The following ACSM3 variants were observed in gnomAD, a reference collection of about 807,000 sequenced individuals.
ACSM3 encodes the protein acyl-CoA synthetase medium chain family member 3, also known as acyl-coenzyme A synthetase ACSM3, mitochondrial.
ACSM3 carries 61 observed loss-of-function variants against 74.1 expected under a neutral mutation model. The observed-to-expected ratio is 0.82, with a 90% CI of 0.67 to 1.02. The LOEUF is 1.02. Among genes scored for constraint, ACSM3 ranks in the 50% least tolerant of loss-of-function variants. The pLI, the probability that ACSM3 is intolerant of heterozygous loss-of-function variation, is 0.00. For synonymous variants in ACSM3, 213 were observed against 241.5 expected (o/e 0.88, Z 1.09); for missense variants, 660 against 697.0 (o/e 0.95, Z 0.60).
At chr16:20,729,478 G>A (rs975817424) in intron 1 of ACSM3, 4 of 659,516 alleles carry the variant, frequency 6.1e-6, no homozygotes, top group African/African-American at 5.4e-5. Context: ...CATTTGAAGT[G>A]GAGAGTGTGC....
At chr16:20,738,947 G>A in intron 1 of ACSM3, 1 of 1,614,156 alleles carries the variant, frequency 6.2e-7, no homozygotes, top group African/African-American at 1.3e-5. Context: ...ACTTTCCACT[G>A]ACTGGAATCT....
chr16:20,797,383 TA>T lies in ACSM3; in HGVS notation c.*415del. ...ACTTATAAAAGTTTTTAGAAAAATA[TA>T]AAATATCAGTTAGAAGATTATGATA... On this transcript the variant is annotated 3_prime_UTR_variant, in exon 14 of 14. Coordinates refer to ENST00000289416, the MANE Select transcript of ACSM3 (RefSeq NM_005622.4). 1 of 985,872 alleles carries T rather than the reference TA, an allele frequency of 1.0e-6. No individual in the cohort carries two copies. The highest frequency in any genetic ancestry group is 1.2e-6 in the Non-Finnish European group (1 of 824,992). 61.1% of individuals were successfully genotyped at this position (985,872 alleles called of 1,614,324 possible). A position where few individuals can be genotyped will look rare whatever the true frequency, so the allele number is the denominator to read the frequency against.
chr16:20,745,940 G>A (rs2079956001), intron 1 of ACSM3, among the ~76,000 whole-genome samples: 1 of 152,138 alleles, frequency 6.6e-6, no homozygotes. Context: ...TGGATATCCT[G>A]GCTGTGAATC....
intron 2 of ACSM3, among the ~76,000 whole-genome samples, chr16:20,754,043 A>G (rs955294765): frequency 1.3e-5 from 2 of 152,244 alleles, no homozygotes; most frequent in African/African-American, 2.4e-5. Flanking sequence ...GACCCACGCT[A>G]GGACCTTGGA....
intron 1 of ACSM3, chr16:20,737,608 A>T: frequency 8.2e-7 from 1 of 1,212,678 alleles, no homozygotes; most frequent in Non-Finnish European, 1.1e-6. Flanking sequence ...TTTGTTCTAC[A>T]CTCAAAAATG....
chr16:20,796,129 TC>T (rs2080717887), intron 12 of ACSM3: 2 of 487,456 alleles, frequency 4.1e-6, no homozygotes, highest in Admixed American at 3.8e-5. Context: ...TTATAAGTAA[TC>T]CCCCATGCTG....
chr16:20,760,024 A>G (rs2080064127), upstream of ACSM3, among the ~76,000 whole-genome samples: 1 of 152,186 alleles, frequency 6.6e-6, no homozygotes, highest in African/African-American at 2.4e-5. Flanking sequence ...GGGGACAGAC[A>G]TGCCTCATTA....
intron 1 of ACSM3, among the ~76,000 whole-genome samples, chr16:20,693,897 G>T (rs191685930): frequency 1.3e-5 from 2 of 152,148 alleles, no homozygotes; most frequent in Non-Finnish European, 2.9e-5. Context: ...ATCTAATTAG[G>T]AATAAATAGT....
intron 12 of ACSM3, among the ~76,000 whole-genome samples, chr16:20,794,588 A>G (rs1025327159): frequency 6.6e-6 from 1 of 152,254 alleles, no homozygotes; most frequent in African/African-American, 2.4e-5. Flanking sequence ...AAGATTTTGC[A>G]TAGAATTTCA....
chr16:20,781,173 A>T, intron 6 of ACSM3, 43 bp downstream of exon 6: 1 of 1,605,854 alleles, frequency 6.2e-7, no homozygotes, highest in Non-Finnish European at 8.5e-7. Flanking sequence ...AAATGCATTA[A>T]GCAGTATGGC....
At chr16:20,781,583 A>G (rs2080353559) in intron 6 of ACSM3, 125 bp from the exon 7 acceptor site, 4 of 784,010 alleles carry the variant, frequency 5.1e-6, no homozygotes, top group South Asian at 1.5e-5. Flanking sequence ...TGATTCTACA[A>G]GAAAAGGTAA....
At chr16:20,750,473 C>A (rs1567336815) in intron 2 of ACSM3, among the ~76,000 whole-genome samples, 1 of 152,108 alleles carries the variant, frequency 6.6e-6, no homozygotes, top group African/African-American at 2.4e-5. Flanking sequence ...TAAACACCCC[C>A]CTCTCTCTCG....
intron 2 of ACSM3, among the ~76,000 whole-genome samples, chr16:20,751,398 A>AT (rs369173016): frequency 6.6e-6 from 1 of 152,212 alleles, no homozygotes; most frequent in East Asian, 1.9e-4. Context: ...TTTTTAAAGG[A>AT]TTTTTTATTG....
At chr16:20,759,365 G>A (rs2080057618), upstream of ACSM3, among the ~76,000 whole-genome samples, 1 of 152,030 alleles carries the variant, frequency 6.6e-6, no homozygotes, top group African/African-American at 2.4e-5. Flanking sequence ...AGACCATCTT[G>A]GCTAACACAC....
At chr16:20,714,146 G>C (rs565902719) in intron 1 of ACSM3, among the ~76,000 whole-genome samples, 134 of 151,842 alleles carry the variant, frequency 8.8e-4, no homozygotes, top group African/African-American at 3.0e-3. Flanking sequence ...TCTGGATTCT[G>C]ATCTTGAGGG....
At chr16:20,728,777 C>A (rs1354129226) in intron 1 of ACSM3, among the ~76,000 whole-genome samples, 1 of 152,100 alleles carries the variant, frequency 6.6e-6, no homozygotes, top group Non-Finnish European at 1.5e-5. Context: ...CTATTTGGGA[C>A]CTTTTATATC....
chr16:20,795,148 G>A (rs890279264), intron 12 of ACSM3, among the ~76,000 whole-genome samples: 4 of 152,180 alleles, frequency 2.6e-5, no homozygotes, highest in Non-Finnish European at 5.9e-5. Context: ...GTTCACAACT[G>A]CCGCATGGCA....
At position 20,750,483 on chromosome 16, in the gene ACSM3, G is replaced by A. The variant is rs548293553; in HGVS notation, c.-96+480G>A. On this transcript the variant is annotated intron_variant, in intron 2 of 3. Transcript: ENST00000561584. The stretch of plus-strand genomic sequence containing the variant: ...TCCCCTAAACACCCCCCTCTCTCTC[G>A]TTTCTTGTCAGCTATCTGATTTCAG... Among the ~76,000 whole-genome samples the A allele has an allele frequency of 2.6e-5, 4 of 152,118 alleles. No homozygotes were observed. The East Asian group carries it at 5.8e-4, about 22-fold the overall frequency.
chr16:20,723,256 G>A (rs2152395877), intron 1 of ACSM3, among the ~76,000 whole-genome samples: 1 of 152,136 alleles, frequency 6.6e-6, no homozygotes, highest in South Asian at 2.1e-4. Flanking sequence ...GTGTATATGT[G>A]CCACATTTTC....
Sources: allele counts gnomAD v4.1 joint callset (sites outside exome capture counted in the v4.1 genomes callset), GRCh38; gene constraint gnomAD v4.1.1; transcripts MANE v1.5; gene names NCBI Gene and HGNC (gene_info 2026-07-23, HGNC 2026-07-21).